Variants in ACAP2 observed in about 807,000 individuals in gnomAD.
ACAP2 encodes the protein ArfGAP with coiled-coil, ankyrin repeat and PH domains 2, also known as arf-GAP with coiled-coil, ANK repeat and PH domain-containing protein 2.
ACAP2 carries 39 observed loss-of-function variants against 115.8 expected under a neutral mutation model. That is an observed-to-expected ratio of 0.34 (90% CI 0.26 to 0.44). The LOEUF (loss-of-function observed/expected upper bound fraction) is 0.44, where lower values mean the gene tolerates loss of function less well. Among genes scored for constraint, ACAP2 ranks in the 20% least tolerant of loss-of-function variants. The pLI, the probability that ACAP2 is intolerant of heterozygous loss-of-function variation, is 1.00. For missense variants in ACAP2, 662 were observed against 927.6 expected, an observed-to-expected ratio of 0.71 and a Z score of 3.72; for synonymous variants, 289 against 315.8, an observed-to-expected ratio of 0.92 and a Z score of 0.90.
rs374989773 is a variant in ACAP2, at chr3:195,288,381, G to A, written c.2174+740C>T. The stretch of plus-strand genomic sequence containing the variant: ...GTGTTTAATACATTTAATGTGCTTA[G>A]AGAAGTACATGGCACAAAGTAAATA... On this transcript the variant is annotated intron_variant, in intron 21 of 22. Transcript: ENST00000326793. 4.6e-5 allele frequency among the ~76,000 whole-genome samples: 7 copies of A among 152,290 alleles called. No homozygotes were observed. In the East Asian group the frequency reaches 5.8e-4, roughly 13 times the overall value.
Position 195,362,687 on chromosome 3 carries a change from T to C in ACAP2, c.286-17370A>G, listed in dbSNP as rs112262104. 2.8e-3 allele frequency among the ~76,000 whole-genome samples: 420 copies of C among 152,296 alleles called. 1 individual carries two copies. Among genetic ancestry groups the C allele is most frequent in the African/African-American group, 9.6e-3 (398 of 41,544 alleles). ...TAAGGATTCAACATATGCAAATCAA[T>C]GTGATACATAAAATTAAAGACAAAA... On this transcript the variant is annotated intron_variant, in intron 4 of 22. Coordinates refer to ENST00000326793, the MANE Select transcript of ACAP2 (RefSeq NM_012287.6).
At chr3:195,382,354 T>C (rs1393543807) in intron 2 of ACAP2, among the ~76,000 whole-genome samples, 1 of 151,928 alleles carries the variant, frequency 6.6e-6, no homozygotes, top group Non-Finnish European at 1.5e-5. Context: ...CTAAAGTGAT[T>C]AATCAACCAT....
intron 21 of ACAP2, among the ~76,000 whole-genome samples, 200 bp downstream of exon 21, chr3:195,288,921 A>G (rs191931717): frequency 2.2e-3 from 333 of 152,334 alleles, no homozygotes; most frequent in Non-Finnish European, 3.1e-3. Context: ...CATTGTATTA[A>G]GTATAATAAG....
chr3:195,346,807 T>C (rs950199226), intron 4 of ACAP2, among the ~76,000 whole-genome samples: 2 of 152,170 alleles, frequency 1.3e-5, no homozygotes, highest in African/African-American at 4.8e-5. Context: ...CAAACTATGA[T>C]ACATTCAAAC....
At chr3:195,292,180 A>C in intron 19 of ACAP2, 85 bp downstream of exon 19, 3 of 1,434,782 alleles carry the variant, frequency 2.1e-6, no homozygotes, top group Non-Finnish European at 2.8e-6. Context: ...TGAAGCAAAG[A>C]CAATACTAAA....
intron 1 of ACAP2, among the ~76,000 whole-genome samples, chr3:195,433,744 CATTG>C (rs1210279797): frequency 1.3e-5 from 2 of 152,060 alleles, no homozygotes; most frequent in African/African-American, 4.8e-5. Flanking sequence ...TAGTATATTG[CATTG>C]ATTGATTTTT....
chr3:195,388,773 G>A (rs528566239), intron 2 of ACAP2, among the ~76,000 whole-genome samples: 277 of 152,308 alleles, frequency 1.8e-3, no homozygotes, highest in African/African-American at 6.4e-3. Flanking sequence ...TGTAATCCCA[G>A]CACTTTGGGA....
chr3:195,384,633 A>C (rs4677837), intron 2 of ACAP2, among the ~76,000 whole-genome samples: 41,990 of 151,980 alleles, frequency 0.28, 6,563 homozygotes, highest in East Asian at 0.71. Context: ...AGGCTGAGGC[A>C]GGAGAATTGC....
In ACAP2 at chr3:195,311,393, G is replaced by T. The variant is rs12054333; in HGVS notation, c.858-2556C>A. On this transcript the variant is annotated intron_variant, in intron 10 of 22. Coordinates refer to ENST00000326793, the MANE Select transcript of ACAP2 (RefSeq NM_012287.6). Reference sequence around the variant, plus strand: ...ACTACAGGCGTGAGCCACCACGCCCGGCCCTAGTTGTTACTAACATTTCTA... The same window carrying T: ...ACTACAGGCGTGAGCCACCACGCCCTGCCCTAGTTGTTACTAACATTTCTA... Among the ~76,000 whole-genome samples the T allele has an allele frequency of 5.3e-3, 789 of 149,742 alleles. 5 individuals carry two copies. Among genetic ancestry groups the T allele is most frequent in the African/African-American group, 0.018 (752 of 40,700 alleles).
intron 2 of ACAP2, among the ~76,000 whole-genome samples, chr3:195,384,024 AGG>A (rs1734124444): frequency 6.6e-6 from 1 of 152,236 alleles, no homozygotes; most frequent in Admixed American, 6.5e-5. Flanking sequence ...CATTGTTGGT[AGG>A]AGTGTAAATT....
intron 21 of ACAP2, among the ~76,000 whole-genome samples, chr3:195,288,882 T>C (rs1420235537): frequency 2.0e-5 from 3 of 152,096 alleles, no homozygotes; most frequent in African/African-American, 4.8e-5. Flanking sequence ...CAAAACACTA[T>C]AGTATAACAA....
intron 1 of ACAP2, among the ~76,000 whole-genome samples, chr3:195,430,132 T>C (rs1354400844): frequency 6.6e-6 from 1 of 152,200 alleles, no homozygotes; most frequent in African/African-American, 2.4e-5. Flanking sequence ...TCTAATGATT[T>C]GTTTCTGCCA....
chr3:195,288,123 T>G (rs938429798), intron 21 of ACAP2, among the ~76,000 whole-genome samples: 2 of 152,096 alleles, frequency 1.3e-5, no homozygotes, highest in African/African-American at 2.4e-5. Flanking sequence ...AGAAACCATT[T>G]TGAAGAAGTC....
At chr3:195,367,444 A>G (rs1732805463) in intron 4 of ACAP2, among the ~76,000 whole-genome samples, 1 of 152,156 alleles carries the variant, frequency 6.6e-6, no homozygotes, top group Non-Finnish European at 1.5e-5. Flanking sequence ...TTAGTTGACT[A>G]TTGTCAAGCT....
chr3:195,310,585 C>T (rs574216372), intron 10 of ACAP2, among the ~76,000 whole-genome samples: 16 of 152,280 alleles, frequency 1.1e-4, no homozygotes, highest in African/African-American at 3.8e-4. Flanking sequence ...ATGAAAGCTA[C>T]GAAGAGTTTT....
chr3:195,440,888 G>T (rs1715939469), intron 1 of ACAP2, among the ~76,000 whole-genome samples: 1 of 152,058 alleles, frequency 6.6e-6, no homozygotes, highest in South Asian at 2.1e-4. Context: ...TTCCCAATTT[G>T]CAGCTAACAA....
At chr3:195,384,260 A>G (rs1734140461) in intron 2 of ACAP2, among the ~76,000 whole-genome samples, 1 of 152,238 alleles carries the variant, frequency 6.6e-6, no homozygotes, top group Non-Finnish European at 1.5e-5. Context: ...TGATATAGCC[A>G]TGAAAGGTAA....
chr3:195,332,686 C>A (rs776389311), intron 8 of ACAP2, among the ~76,000 whole-genome samples: 1 of 152,084 alleles, frequency 6.6e-6, no homozygotes, highest in Admixed American at 6.6e-5. Flanking sequence ...GGGCGGTTTC[C>A]CCCATGCTGG....
In ACAP2 at chr3:195,381,078, C is replaced by G. The variant is rs751815663; in HGVS notation, c.232-16G>C. ...TCAAACTTGTCTATGAGAAAAAAAGCAAAAGAAAACCAAATCATTTATGAG... is the reference window on the plus strand; with the variant it reads ...TCAAACTTGTCTATGAGAAAAAAAGGAAAAGAAAACCAAATCATTTATGAG... On this transcript the variant is annotated splice_polypyrimidine_tract_variant and intron_variant, in intron 3 of 22. Coordinates refer to ENST00000326793, the MANE Select transcript of ACAP2 (RefSeq NM_012287.6). 5.7e-6 allele frequency: 9 copies of G among 1,583,450 alleles called. No individual in the cohort carries two copies. Among genetic ancestry groups the G allele is most frequent in the African/African-American group, 2.7e-5 (2 of 72,784 alleles).
Sources: gnomAD v4.1 joint callset for allele counts (sites outside exome capture counted in the v4.1 genomes callset) on GRCh38, gnomAD v4.1.1 for gene constraint, MANE v1.5 for transcripts, NCBI Gene and HGNC (gene_info 2026-07-23, HGNC 2026-07-21) for gene names.